The following MACROD2 variants were observed in gnomAD, a reference collection of about 807,000 sequenced individuals.
MACROD2 encodes the protein ADP-ribose glycohydrolase MACROD2.
In MACROD2, 36 loss-of-function variants were observed where a neutral mutation model predicts 70.4. The ratio of observed to expected loss-of-function variants is 0.51; its 90% CI spans 0.39 to 0.68. The LOEUF (loss-of-function observed/expected upper bound fraction) is 0.68, where lower values mean the gene tolerates loss of function less well. MACROD2 is among the 30% of genes least tolerant of loss of function. The pLI, the probability that MACROD2 is intolerant of heterozygous loss-of-function variation, is 0.00. For synonymous variants in MACROD2, 172 were observed against 178.8 expected (o/e 0.96, Z 0.30); for missense variants, 496 against 538.4 (o/e 0.92, Z 0.78).
intron 5 of MACROD2, among the ~76,000 whole-genome samples, chr20:15,033,073 G>A (rs2075287494): frequency 6.6e-6 from 1 of 152,170 alleles, no homozygotes; most frequent in Admixed American, 6.5e-5. Flanking sequence ...CTGGGACAGG[G>A]GAGGATGGGG....
At chr20:15,046,244 A>G (rs1028590428) in intron 5 of MACROD2, among the ~76,000 whole-genome samples, 1 of 152,156 alleles carries the variant, frequency 6.6e-6, no homozygotes. Flanking sequence ...GAGACAACAT[A>G]TGGATCAGTA....
intron 8 of MACROD2, among the ~76,000 whole-genome samples, chr20:15,665,828 C>A (rs1349056737): frequency 3.3e-5 from 5 of 152,058 alleles, no homozygotes. Context: ...TTCTGGGTGC[C>A]CCAAGAAACT....
chr20:14,446,285 A>G (rs931194587), intron 3 of MACROD2, among the ~76,000 whole-genome samples: 4 of 152,232 alleles, frequency 2.6e-5, no homozygotes, highest in Non-Finnish European at 4.4e-5. Context: ...TTATTTAATT[A>G]TCAAAAACTG....
chr20:14,045,064 C>T (rs1393462919), intron 2 of MACROD2, among the ~76,000 whole-genome samples: 1 of 152,220 alleles, frequency 6.6e-6, no homozygotes, highest in African/African-American at 2.4e-5. Context: ...TGCGGGCCGG[C>T]TTGCCGCTCC....
chr20:14,693,275 C>A lies in MACROD2; in HGVS notation c.418+8316C>A, dbSNP rs370314990. Among the ~76,000 whole-genome samples, 6 of 152,238 alleles carry A rather than the reference C, an allele frequency of 3.9e-5. No individual in the cohort carries two copies. The East Asian group carries it at 9.7e-4, about 25-fold the overall frequency. ...ACTGTTGTACAGGGATAATCATTTT[C>A]AGGATTTAAAAGATGAATATTTGGA... On this transcript the variant is annotated intron_variant, in intron 5 of 17. Coordinates refer to ENST00000684519, the MANE Select transcript of MACROD2 (RefSeq NM_001351661.2).
At chr20:14,632,236 C>T (rs1447296082) in intron 4 of MACROD2, among the ~76,000 whole-genome samples, 6 of 152,064 alleles carry the variant, frequency 3.9e-5, no homozygotes, top group Admixed American at 1.3e-4. Flanking sequence ...TGGCAAAAAT[C>T]AGTCCTTCAT....
intron 3 of MACROD2, among the ~76,000 whole-genome samples, chr20:14,284,239 C>A (rs766600484): frequency 6.6e-6 from 1 of 152,166 alleles, no homozygotes; most frequent in Admixed American, 6.5e-5. Flanking sequence ...TAGAAAACTG[C>A]AGCTTGATTG....
intron 8 of MACROD2, among the ~76,000 whole-genome samples, chr20:15,810,286 C>A (rs1254341098): frequency 1.3e-5 from 2 of 151,660 alleles, no homozygotes; most frequent in East Asian, 1.9e-4. Flanking sequence ...TGGGTTGGTT[C>A]CAAGTCTTTG....
chr20:14,440,854 C>T (rs2084114134), intron 3 of MACROD2, among the ~76,000 whole-genome samples: 1 of 152,152 alleles, frequency 6.6e-6, no homozygotes, highest in African/African-American at 2.4e-5. Context: ...AAGATTGCCT[C>T]TATTCCATAG....
chr20:15,856,701 T>C (rs6135571), intron 8 of MACROD2, among the ~76,000 whole-genome samples: 8,345 of 152,270 alleles, frequency 0.055, 405 homozygotes, highest in East Asian at 0.22. Flanking sequence ...GTTTAAGACA[T>C]AAAGTGAACT....
intron 6 of MACROD2, among the ~76,000 whole-genome samples, chr20:15,415,203 C>G (rs1005366137): frequency 9.9e-5 from 15 of 152,138 alleles, no homozygotes; most frequent in African/African-American, 3.6e-4. Flanking sequence ...GATTTTGCAG[C>G]TGGATGTGAG....
chr20:15,213,316 G>C (rs1344759640), intron 5 of MACROD2, among the ~76,000 whole-genome samples: 1 of 152,026 alleles, frequency 6.6e-6, no homozygotes, highest in African/African-American at 2.4e-5. Flanking sequence ...CAGGCATTCT[G>C]CTTGTTAAAG....
intron 8 of MACROD2, among the ~76,000 whole-genome samples, chr20:15,670,792 T>C (rs1477959616): frequency 1.3e-5 from 2 of 152,170 alleles, no homozygotes; most frequent in East Asian, 3.9e-4. Flanking sequence ...AATATCATTG[T>C]ATGCTGCAAG....
rs2067445222 is a variant in MACROD2 at position 16,050,520 on chromosome 20, G to A, written c.*644G>A. On this transcript the variant is annotated 3_prime_UTR_variant, in exon 18 of 18. Transcript: ENST00000684519. ...GCAGAGTGCAGAGGCATAACAGAAGGGTGGGCCCTGGCAGCCATCTGGGTC... is the reference window on the plus strand; with the variant it reads ...GCAGAGTGCAGAGGCATAACAGAAGAGTGGGCCCTGGCAGCCATCTGGGTC... 6.6e-6 allele frequency: 1 copy of A among 152,228 alleles called. No individual in the cohort carries two copies. The highest frequency in any genetic ancestry group is 1.5e-5 in the Non-Finnish European group (1 of 68,080). 9.4% of individuals were successfully genotyped at this position (152,228 alleles called of 1,614,324 possible). A position where few individuals can be genotyped will look rare whatever the true frequency, so the allele number is the denominator to read the frequency against.
intron 5 of MACROD2, among the ~76,000 whole-genome samples, chr20:14,939,242 C>T (rs558851593): frequency 6.6e-6 from 1 of 152,160 alleles, no homozygotes; most frequent in African/African-American, 2.4e-5. Context: ...ATATTTAAGT[C>T]TGTAATCCAT....
intron 1 of MACROD2, 140 bp from the exon 2 acceptor site, chr20:14,002,148 G>A: frequency 2.3e-6 from 1 of 436,222 alleles, no homozygotes; most frequent in East Asian, 3.6e-5. Flanking sequence ...TTTAAATATG[G>A]AGTCACTGGA....
chr20:14,021,421 C>T (rs374817443), intron 2 of MACROD2, among the ~76,000 whole-genome samples: 24 of 152,142 alleles, frequency 1.6e-4, no homozygotes, highest in African/African-American at 5.8e-4. Flanking sequence ...GCCTGCTGCT[C>T]TTTTTCACCT....
intron 2 of MACROD2, among the ~76,000 whole-genome samples, chr20:14,063,563 T>C (rs758596487): frequency 2.0e-5 from 3 of 152,228 alleles, no homozygotes; most frequent in Non-Finnish European, 2.9e-5. Context: ...ATTCTACACG[T>C]AAGTACTTAA....
intron 7 of MACROD2, among the ~76,000 whole-genome samples, chr20:15,454,436 CA>C (rs1568819998): frequency 1.3e-4 from 20 of 148,770 alleles, no homozygotes; most frequent in African/African-American, 4.2e-4. Flanking sequence ...CACACACACA[CA>C]CACACACACA....
Sources: gnomAD v4.1 joint callset for allele counts (sites outside exome capture counted in the v4.1 genomes callset) on GRCh38, gnomAD v4.1.1 for gene constraint, MANE v1.5 for transcripts, NCBI Gene and HGNC (gene_info 2026-07-23, HGNC 2026-07-21) for gene names.